The following CAMTA1 variants were observed in gnomAD, a reference collection of about 807,000 sequenced individuals.
The protein encoded by CAMTA1 is calmodulin binding transcription activator 1.
In CAMTA1, 27 loss-of-function variants were observed where a neutral mutation model predicts 170.9. That is an observed-to-expected ratio of 0.16 (90% CI 0.12 to 0.22). The LOEUF (loss-of-function observed/expected upper bound fraction) is 0.22, where lower values mean the gene tolerates loss of function less well. CAMTA1 is among the 10% of genes least tolerant of loss of function. The probability of loss-of-function intolerance (pLI) is 1.00; values close to 1 mark genes in which losing one functional copy is unlikely to be tolerated. For synonymous variants in CAMTA1, 833 were observed against 891.5 expected (o/e 0.93, Z 1.17); for missense variants, 1,619 against 2,217.2 (o/e 0.73, Z 5.42).
chr1:7,292,427 T>G (rs1309368642), intron 5 of CAMTA1, among the ~76,000 whole-genome samples: 2 of 152,212 alleles, frequency 1.3e-5, no homozygotes, highest in Non-Finnish European at 2.9e-5. Context: ...TTATGGGAAT[T>G]GCTTGAACAC....
chr1:6,843,197 C>T (rs1216795526), intron 3 of CAMTA1, among the ~76,000 whole-genome samples: 1 of 152,114 alleles, frequency 6.6e-6, no homozygotes, highest in African/African-American at 2.4e-5. Flanking sequence ...CTATTTGTAA[C>T]ATGTGGGAAT....
chr1:7,728,207 G>A (rs1446057093), intron 11 of CAMTA1, among the ~76,000 whole-genome samples: 3 of 152,244 alleles, frequency 2.0e-5, no homozygotes. Flanking sequence ...CTGTTGGAGG[G>A]GTTGACCGGG....
At chr1:6,907,605 C>T (rs1040731067) in intron 3 of CAMTA1, among the ~76,000 whole-genome samples, 10 of 152,150 alleles carry the variant, frequency 6.6e-5, no homozygotes, top group African/African-American at 1.9e-4. Flanking sequence ...AATGGTGAGC[C>T]GGTGGTCCCC....
chr1:6,886,111 A>G (rs1673140349), intron 3 of CAMTA1: 1 of 411,492 alleles, frequency 2.4e-6, no homozygotes, highest in East Asian at 7.2e-5. Flanking sequence ...TGAGCCCACC[A>G]TCTGCACGTG....
intron 3 of CAMTA1, among the ~76,000 whole-genome samples, chr1:7,042,444 T>C (rs1021857865): frequency 1.4e-4 from 21 of 152,184 alleles, no homozygotes; most frequent in African/African-American, 4.3e-4. Flanking sequence ...TGTTCAGCCC[T>C]GGAGCAGCTG....
chr1:7,725,147 G>C (rs1395421732), intron 11 of CAMTA1, among the ~76,000 whole-genome samples: 1 of 152,228 alleles, frequency 6.6e-6, no homozygotes, highest in Non-Finnish European at 1.5e-5. Context: ...TTGAGTTTTT[G>C]TCCGGGGATT....
At chr1:7,475,435 G>C (rs1348895302) in intron 6 of CAMTA1, among the ~76,000 whole-genome samples, 1 of 152,232 alleles carries the variant, frequency 6.6e-6, no homozygotes, top group African/African-American at 2.4e-5. Context: ...AAGGAAGCAA[G>C]TCGCTCCCTG....
chr1:7,679,659 A>T (rs2096166419), intron 11 of CAMTA1, among the ~76,000 whole-genome samples: 1 of 151,702 alleles, frequency 6.6e-6, no homozygotes, highest in East Asian at 1.9e-4. Flanking sequence ...GATACACAGG[A>T]GGGTGACAGG....
chr1:6,811,657 C>T (rs1264886256), intron 1 of CAMTA1, among the ~76,000 whole-genome samples: 3 of 152,160 alleles, frequency 2.0e-5, no homozygotes, highest in African/African-American at 7.2e-5. Context: ...AATCAAGCTA[C>T]GAATGTGGGT....
At chr1:6,980,296 T>G (rs1375883540) in intron 3 of CAMTA1, among the ~76,000 whole-genome samples, 1 of 152,154 alleles carries the variant, frequency 6.6e-6, no homozygotes, top group Non-Finnish European at 1.5e-5. Context: ...GTCTCCCTCC[T>G]TAGGCCCGGG....
chr1:7,488,632 CAT>C (rs2093654039), intron 6 of CAMTA1, among the ~76,000 whole-genome samples: 1 of 151,418 alleles, frequency 6.6e-6, no homozygotes, highest in Non-Finnish European at 1.5e-5. Context: ...ATACAATATA[CAT>C]ATACATATAA....
intron 3 of CAMTA1, among the ~76,000 whole-genome samples, chr1:6,848,144 G>A (rs902916806): frequency 1.2e-4 from 18 of 151,608 alleles, no homozygotes; most frequent in Non-Finnish European, 2.5e-4. Context: ...ACCAGCCTGG[G>A]TTTACATTTT....
intron 6 of CAMTA1, among the ~76,000 whole-genome samples, chr1:7,597,358 G>C (rs1055594954): frequency 6.6e-6 from 1 of 152,192 alleles, no homozygotes; most frequent in Non-Finnish European, 1.5e-5. Flanking sequence ...GCCTTGATAA[G>C]TAGCGGGAGC....
chr1:7,604,632 C>T (rs1328111619), intron 6 of CAMTA1, among the ~76,000 whole-genome samples: 5 of 152,122 alleles, frequency 3.3e-5, no homozygotes, highest in Admixed American at 2.0e-4. Flanking sequence ...CGAACTTCCT[C>T]CTTTAGCTCA....
intron 5 of CAMTA1, among the ~76,000 whole-genome samples, chr1:7,338,286 A>G (rs908799010): frequency 6.6e-6 from 1 of 152,100 alleles, no homozygotes; most frequent in Non-Finnish European, 1.5e-5. Context: ...GTGTACACCA[A>G]TGACAATGCC....
chr1:7,451,275 G>A (rs949028065), intron 5 of CAMTA1, among the ~76,000 whole-genome samples: 8 of 152,136 alleles, frequency 5.3e-5, no homozygotes, highest in Non-Finnish European at 8.8e-5. Context: ...TTTGGAAAGC[G>A]GATTTCCAGG....
intron 3 of CAMTA1, among the ~76,000 whole-genome samples, chr1:6,991,839 C>T (rs985457746): frequency 4.6e-5 from 7 of 152,256 alleles, no homozygotes; most frequent in African/African-American, 1.7e-4. Context: ...GCTGGGATTA[C>T]AGGTGACCAC....
At chr1:6,902,072 C>CACACACACAAAAAAA (rs3986505) in intron 3 of CAMTA1, among the ~76,000 whole-genome samples, 1 of 88,498 alleles carries the variant, frequency 1.1e-5, no homozygotes, top group African/African-American at 3.6e-5. Context: ...CACACACACA[C>CACACACACAAAAAAA]AAAAAAAAAA....
chr1:7,017,423 A>G (rs1173649840), intron 3 of CAMTA1, among the ~76,000 whole-genome samples: 2 of 152,230 alleles, frequency 1.3e-5, no homozygotes, highest in Admixed American at 1.3e-4. Context: ...GGATTTGCTA[A>G]TGAACTTCTT....
Sources: allele counts gnomAD v4.1 joint callset (sites outside exome capture counted in the v4.1 genomes callset), GRCh38; gene constraint gnomAD v4.1.1; transcripts MANE v1.5; gene names NCBI Gene and HGNC (gene_info 2026-07-23, HGNC 2026-07-21).